Variants in PRKN observed in about 807,000 individuals in gnomAD.
PRKN encodes parkin RBR E3 ubiquitin protein ligase, also known as E3 ubiquitin-protein ligase parkin.
PRKN carries 56 observed loss-of-function variants against 59.5 expected under a neutral mutation model. The ratio of observed to expected loss-of-function variants is 0.94; its 90% CI spans 0.76 to 1.18. The LOEUF (loss-of-function observed/expected upper bound fraction) is 1.18, where lower values mean the gene tolerates loss of function less well. Among genes scored for constraint, PRKN ranks in the 50% most tolerant of loss-of-function variants. The pLI, the probability that PRKN is intolerant of heterozygous loss-of-function variation, is 0.00. For synonymous variants in PRKN, 250 were observed against 222.1 expected (o/e 1.13, Z -1.12); for missense variants, 657 against 596.4 (o/e 1.10, Z -1.06).
intron 6 of PRKN, among the ~76,000 whole-genome samples, chr6:161,966,010 G>GA (rs1045604064): frequency 6.6e-6 from 1 of 151,990 alleles, no homozygotes; most frequent in African/African-American, 2.4e-5. Flanking sequence ...TATCTAGATA[G>GA]AAAAATATCT....
intron 4 of PRKN, among the ~76,000 whole-genome samples, chr6:162,169,420 CAA>C (rs1223436912): frequency 6.6e-6 from 1 of 152,162 alleles, no homozygotes; most frequent in African/African-American, 2.4e-5. Flanking sequence ...TTGCGTTTGT[CAA>C]ACAATTCAAG....
chr6:162,338,106 A>G (rs1312629767), intron 2 of PRKN, among the ~76,000 whole-genome samples: 2 of 152,168 alleles, frequency 1.3e-5, no homozygotes, highest in African/African-American at 4.8e-5. Flanking sequence ...GGCCCGGGAG[A>G]CAGAAGGAGA....
At chr6:162,441,189 C>T (rs572721938) in intron 2 of PRKN, among the ~76,000 whole-genome samples, 1 of 152,098 alleles carries the variant, frequency 6.6e-6, no homozygotes, top group Non-Finnish European at 1.5e-5. Context: ...GCATCCTTCC[C>T]CCAACCAAAC....
At position 162,327,520 on chromosome 6, in the gene PRKN, C is replaced by T. The variant is rs1002085254; in HGVS notation, c.172-64755G>A. Among the ~76,000 whole-genome samples the T allele has an allele frequency of 5.3e-5, 8 of 151,656 alleles. No homozygotes were observed. The South Asian group carries it at 6.3e-4, about 12-fold the overall frequency. On this transcript the variant is annotated intron_variant, in intron 2 of 11. Transcript: ENST00000366898. ...GGTTTTGAAAATGTGAGGTCCTTGACGACGGTTTTCTCTACAGTTTCAATG... is the reference window on the plus strand; with the variant it reads ...GGTTTTGAAAATGTGAGGTCCTTGATGACGGTTTTCTCTACAGTTTCAATG...
rs190682563 is a variant in PRKN at position 161,405,510 on chromosome 6, G to A, written c.1084-18633C>T. On this transcript the variant is annotated intron_variant, in intron 9 of 11. Transcript: ENST00000366898. This position sits in a 1 kb window ranked among gnomAD's most constrained non-coding sequence, Gnocchi z 5.1. ...GGAGAATTGCTTGAACCCAAGATGTGCAGGTTGTAGTGACCCAAGATCGTG... is the reference window on the plus strand; with the variant it reads ...GGAGAATTGCTTGAACCCAAGATGTACAGGTTGTAGTGACCCAAGATCGTG... Among the ~76,000 whole-genome samples the A allele has an allele frequency of 6.6e-6, 1 of 152,078 alleles. No individual in the cohort carries two copies. Among genetic ancestry groups the A allele is most frequent in the African/African-American group, 2.4e-5 (1 of 41,434 alleles).
At chr6:161,772,380 T>C (rs1201360174) in intron 7 of PRKN, among the ~76,000 whole-genome samples, 1 of 152,220 alleles carries the variant, frequency 6.6e-6, no homozygotes, top group Non-Finnish European at 1.5e-5. Context: ...TTGCTCAATG[T>C]GTCTCTAATG....
intron 1 of PRKN, among the ~76,000 whole-genome samples, chr6:162,514,617 G>A (rs1242455453): frequency 1.3e-5 from 2 of 152,150 alleles, no homozygotes; most frequent in Non-Finnish European, 1.5e-5. Flanking sequence ...TGCACAGGAG[G>A]AGAATATACA....
intron 9 of PRKN, among the ~76,000 whole-genome samples, chr6:161,469,320 G>T (rs187826691): frequency 6.6e-6 from 1 of 152,122 alleles, no homozygotes; most frequent in Non-Finnish European, 1.5e-5. Flanking sequence ...CTGTGAAGAG[G>T]TGCCTTCCGC....
At chr6:161,427,186 T>C (rs1308168699) in intron 9 of PRKN, among the ~76,000 whole-genome samples, 2 of 152,098 alleles carry the variant, frequency 1.3e-5, no homozygotes, top group African/African-American at 2.4e-5. Flanking sequence ...ACTCAGCTAA[T>C]TGTTTGTATT....
rs922987844 is a variant in PRKN, at chr6:161,467,411, C to T, written c.1084-80534G>A. Among the ~76,000 whole-genome samples, 20 of 152,214 alleles carry T rather than the reference C, an allele frequency of 1.3e-4. No individual in the cohort carries two copies. Among genetic ancestry groups the T allele is most frequent in the African/African-American group, 4.8e-4 (20 of 41,448 alleles). ...ACTGATAAGTTCAGTCCAGCACACACTTACCAAGTTCTTGTATGTGCTGGG... is the reference window on the plus strand; with the variant it reads ...ACTGATAAGTTCAGTCCAGCACACATTTACCAAGTTCTTGTATGTGCTGGG... On this transcript the variant is annotated intron_variant, in intron 9 of 11. Coordinates refer to ENST00000366898, the MANE Select transcript of PRKN (RefSeq NM_004562.3). This position sits in a 1 kb window ranked among gnomAD's most constrained non-coding sequence, Gnocchi z 4.3.
Position 161,363,317 on chromosome 6 carries a change from T to TA in PRKN, c.1168-3113dup, listed in dbSNP as rs1371584416. ...ATAAATAAAGGTGATGATAATGGAA[T>TA]AAGAGACTGTCACAATTAACCAGGG... On this transcript the variant is annotated intron_variant, in intron 10 of 11. Transcript: ENST00000366898. This position sits in a 1 kb window ranked among gnomAD's most constrained non-coding sequence, Gnocchi z 4.1. 1.3e-5 allele frequency among the ~76,000 whole-genome samples: 2 copies of TA among 152,120 alleles called. No individual in the cohort carries two copies. The highest frequency in any genetic ancestry group is 2.4e-5 in the African/African-American group (1 of 41,420).
intron 1 of PRKN, among the ~76,000 whole-genome samples, chr6:162,503,056 T>C (rs1225033684): frequency 6.6e-6 from 1 of 151,806 alleles, no homozygotes; most frequent in Non-Finnish European, 1.5e-5. Flanking sequence ...AGCATCAAAT[T>C]TATGTATTAA....
intron 1 of PRKN, among the ~76,000 whole-genome samples, chr6:162,672,672 G>C (rs554000354): frequency 6.9e-6 from 1 of 145,732 alleles, no homozygotes; most frequent in East Asian, 2.0e-4. Context: ...ATTATAGAAA[G>C]TTTTGGGGGA....
rs971707916 is a variant in PRKN at position 161,593,083 on chromosome 6, A to T, written c.872-23667T>A. Among the ~76,000 whole-genome samples the T allele has an allele frequency of 6.6e-6, 1 of 152,222 alleles. No individual in the cohort carries two copies. Among genetic ancestry groups the T allele is most frequent in the African/African-American group, 2.4e-5 (1 of 41,452 alleles). Reference sequence around the variant, plus strand: ...GCTGCACCCCACGTCCGCTGCTGTTAACATCCTACATAACCAGGCCATCTT... The same window carrying T: ...GCTGCACCCCACGTCCGCTGCTGTTTACATCCTACATAACCAGGCCATCTT... On this transcript the variant is annotated intron_variant, in intron 7 of 11. Transcript: ENST00000366898. The surrounding 1 kb of genome is among the most constrained non-coding windows in gnomAD (Gnocchi z 4.8).
chr6:162,369,478 A>G (rs1159788276), intron 2 of PRKN, among the ~76,000 whole-genome samples: 1 of 152,254 alleles, frequency 6.6e-6, no homozygotes, highest in Non-Finnish European at 1.5e-5. Flanking sequence ...AAAAATATTT[A>G]GATCATTAGC....
At chr6:161,676,695 A>G (rs1785099118) in intron 7 of PRKN, among the ~76,000 whole-genome samples, 1 of 152,182 alleles carries the variant, frequency 6.6e-6, no homozygotes, top group Admixed American at 6.5e-5. Flanking sequence ...AAAAGCCTGC[A>G]GACCCTTGCC....
rs1790105524 is a variant in PRKN at position 161,459,320 on chromosome 6, A to G, written c.1084-72443T>C. 6.6e-6 allele frequency among the ~76,000 whole-genome samples: 1 copy of G among 152,258 alleles called. No homozygotes were observed. The highest frequency in any genetic ancestry group is 2.4e-5 in the African/African-American group (1 of 41,472). ...CTCTTAAGAATGAGAACATTCTCAG[A>G]AATGCCCTTGAAGTGACTATTAATT... On this transcript the variant is annotated intron_variant, in intron 9 of 11. Coordinates refer to ENST00000366898, the MANE Select transcript of PRKN (RefSeq NM_004562.3). This position sits in a 1 kb window ranked among gnomAD's most constrained non-coding sequence, Gnocchi z 4.8.
intron 7 of PRKN, among the ~76,000 whole-genome samples, chr6:161,660,942 C>T (rs555509038): frequency 6.6e-6 from 1 of 152,246 alleles, no homozygotes; most frequent in East Asian, 1.9e-4. Flanking sequence ...TGACTCAGGC[C>T]GAGTCCCACG....
At chr6:161,591,922 G>A (rs1331588001) in intron 7 of PRKN, among the ~76,000 whole-genome samples, 1 of 151,970 alleles carries the variant, frequency 6.6e-6, no homozygotes, top group Non-Finnish European at 1.5e-5. Context: ...TACCTGTACG[G>A]TTGTCCCTTG....
Sources: allele counts gnomAD v4.1 joint callset (sites outside exome capture counted in the v4.1 genomes callset), GRCh38; gene constraint gnomAD v4.1.1; non-coding constraint Gnocchi (gnomAD v3.1); transcripts MANE v1.5; gene names NCBI Gene and HGNC (gene_info 2026-07-23, HGNC 2026-07-21).